PLGRKT: variants seen among roughly 807,000 people sequenced by gnomAD.
PLGRKT encodes the protein plasminogen receptor (KT).
A neutral mutation model predicts 18.5 loss-of-function variants in PLGRKT; 22 were observed. The ratio of observed to expected loss-of-function variants is 1.19; its 90% CI spans 0.85 to 1.70. PLGRKT has a LOEUF of 1.70. Among genes scored for constraint, PLGRKT ranks in the 40% most tolerant of loss-of-function variants. PLGRKT has a pLI of 0.00. For missense variants in PLGRKT, 235 were observed against 174.4 expected, an observed-to-expected ratio of 1.35 and a Z score of -1.96; for synonymous variants, 72 against 52.8, an observed-to-expected ratio of 1.36 and a Z score of -1.58.
chr9:5,428,343 C>A (rs892196202), intron 3 of PLGRKT, among the ~76,000 whole-genome samples: 1 of 152,162 alleles, frequency 6.6e-6, no homozygotes, highest in African/African-American at 2.4e-5. Flanking sequence ...AACTTCAGGG[C>A]AGGGAAGGAC....
chr9:5,432,073 A>G (rs932003473), intron 2 of PLGRKT, 90 bp from the exon 3 acceptor site: 12 of 640,324 alleles, frequency 1.9e-5, no homozygotes, highest in South Asian at 3.7e-5. Context: ...GCTTATGACA[A>G]AGTAAAAAAA....
intron 3 of PLGRKT, among the ~76,000 whole-genome samples, chr9:5,400,969 T>C (rs75835241): frequency 0.021 from 3,149 of 152,024 alleles, 70 homozygotes; most frequent in South Asian, 0.042. Flanking sequence ...GGAAACTTTA[T>C]CCTCAAAAAC....
At chr9:5,358,704 T>C (rs1227751458) in intron 5 of PLGRKT, among the ~76,000 whole-genome samples, 1 of 152,236 alleles carries the variant, frequency 6.6e-6, no homozygotes, top group Non-Finnish European at 1.5e-5. Context: ...GTCTTTCCCA[T>C]TGTCCTTTAA....
At chr9:5,413,057 G>T (rs1407826850) in intron 3 of PLGRKT, among the ~76,000 whole-genome samples, 1 of 152,098 alleles carries the variant, frequency 6.6e-6, no homozygotes, top group Non-Finnish European at 1.5e-5. Flanking sequence ...TGCTTGTCAG[G>T]CTAGCAAAAA....
intron 3 of PLGRKT, among the ~76,000 whole-genome samples, chr9:5,428,552 C>T (rs1818745855): frequency 6.6e-6 from 1 of 152,216 alleles, no homozygotes; most frequent in African/African-American, 2.4e-5. Flanking sequence ...GGACAGGAAG[C>T]AGCACCCATT....
intron 3 of PLGRKT, among the ~76,000 whole-genome samples, chr9:5,371,810 A>G (rs1817522727): frequency 6.6e-6 from 1 of 151,880 alleles, no homozygotes; most frequent in East Asian, 1.9e-4. Flanking sequence ...TCCTCATTTT[A>G]AAGAGTACAT....
At position 5,432,964 on chromosome 9, in the gene PLGRKT, G is replaced by C. The variant is rs181187562; in HGVS notation, c.-6-981C>G. On this transcript the variant is annotated intron_variant, in intron 2 of 5. Coordinates refer to ENST00000223864, the MANE Select transcript of PLGRKT (RefSeq NM_018465.4). ...GTCTCTGCCTGGCCGCCCTGTCTGGGAGGTGAGGAGCATCTCTGCCCGGCC... is the reference window on the plus strand; with the variant it reads ...GTCTCTGCCTGGCCGCCCTGTCTGGCAGGTGAGGAGCATCTCTGCCCGGCC... 2.4e-4 allele frequency among the ~76,000 whole-genome samples: 37 copies of C among 152,118 alleles called. No homozygotes were observed. The East Asian group carries it at 7.4e-3, about 30-fold the overall frequency.
chr9:5,414,532 T>A (rs1049552332), intron 3 of PLGRKT, among the ~76,000 whole-genome samples: 2 of 152,184 alleles, frequency 1.3e-5, no homozygotes, highest in Non-Finnish European at 2.9e-5. Flanking sequence ...AGCACTATAA[T>A]TAATTAAAAC....
intron 3 of PLGRKT, among the ~76,000 whole-genome samples, chr9:5,369,907 G>T (rs1049560175): frequency 1.3e-5 from 2 of 152,016 alleles, no homozygotes; most frequent in African/African-American, 4.8e-5. Flanking sequence ...ATGGACACAG[G>T]GAGGGGAACA....
At chr9:5,364,035 T>G (rs1173742866) in intron 3 of PLGRKT, among the ~76,000 whole-genome samples, 9 of 152,188 alleles carry the variant, frequency 5.9e-5, no homozygotes. Flanking sequence ...ATTAATTATT[T>G]GTGTTTTTAT....
chr9:5,380,213 A>G (rs1260926865), intron 3 of PLGRKT, among the ~76,000 whole-genome samples: 2 of 151,934 alleles, frequency 1.3e-5, no homozygotes, highest in African/African-American at 2.4e-5. Context: ...AAATACAAAA[A>G]AATTAGCCAG....
At chr9:5,360,947 A>C (rs1817249225) in intron 5 of PLGRKT, 131 bp downstream of exon 5, 1 of 591,916 alleles carries the variant, frequency 1.7e-6, no homozygotes, top group South Asian at 2.1e-5. Flanking sequence ...AAGGGAGCAG[A>C]AATGTTGCTC....
At chr9:5,367,848 G>C (rs1357111242) in intron 3 of PLGRKT, among the ~76,000 whole-genome samples, 2 of 152,040 alleles carry the variant, frequency 1.3e-5, no homozygotes, top group Non-Finnish European at 2.9e-5. Context: ...ATCTGACAAA[G>C]GTCTAGTATC....
intron 3 of PLGRKT, among the ~76,000 whole-genome samples, chr9:5,368,356 C>T (rs993165334): frequency 2.6e-5 from 4 of 151,952 alleles, no homozygotes; most frequent in Admixed American, 6.6e-5. Flanking sequence ...GGTGGATTGG[C>T]GAAAGAAAAC....
chr9:5,385,140 T>C (rs192419589), intron 3 of PLGRKT, among the ~76,000 whole-genome samples: 6 of 152,290 alleles, frequency 3.9e-5, no homozygotes, highest in African/African-American at 1.4e-4. Flanking sequence ...GTGGAAGGTT[T>C]TGAAACAGTG....
chr9:5,422,346 C>T (rs779306407), intron 3 of PLGRKT, among the ~76,000 whole-genome samples: 2 of 152,150 alleles, frequency 1.3e-5, no homozygotes, highest in Admixed American at 6.5e-5. Flanking sequence ...GCTAAAAGAA[C>T]TGAACTGGAG....
intron 3 of PLGRKT, among the ~76,000 whole-genome samples, chr9:5,423,960 T>A (rs1377953901): frequency 6.9e-6 from 1 of 145,730 alleles, no homozygotes; most frequent in East Asian, 1.9e-4. Flanking sequence ...ATGTAATATG[T>A]ATGTGTAATA....
At chr9:5,403,969 A>C (rs1254748631) in intron 3 of PLGRKT, among the ~76,000 whole-genome samples, 2 of 152,244 alleles carry the variant, frequency 1.3e-5, no homozygotes, top group Non-Finnish European at 2.9e-5. Context: ...CCACAGAAAT[A>C]CAAACAACCA....
intron 3 of PLGRKT, among the ~76,000 whole-genome samples, chr9:5,403,675 C>G (rs1818200343): frequency 6.6e-6 from 1 of 152,220 alleles, no homozygotes; most frequent in African/African-American, 2.4e-5. Flanking sequence ...TCTATGTTCT[C>G]TATTGAGTAA....
Sources: gnomAD v4.1 joint callset for allele counts (sites outside exome capture counted in the v4.1 genomes callset) on GRCh38, gnomAD v4.1.1 for gene constraint, MANE v1.5 for transcripts, NCBI Gene and HGNC (gene_info 2026-07-23, HGNC 2026-07-21) for gene names.